The following SESN1 variants were observed in gnomAD, a reference collection of about 807,000 sequenced individuals.
SESN1 encodes the protein sestrin 1.
In SESN1, 30 loss-of-function variants were observed where a neutral mutation model predicts 59.3. That is an observed-to-expected ratio of 0.51 (90% CI 0.38 to 0.69). SESN1 has a LOEUF of 0.69. SESN1 is among the 30% of genes least tolerant of loss of function. SESN1 has a pLI of 0.00. For synonymous variants in SESN1, 197 were observed against 219.9 expected (o/e 0.90, Z 0.92); for missense variants, 566 against 673.0 (o/e 0.84, Z 1.76).
intron 1 of SESN1, among the ~76,000 whole-genome samples, chr6:109,013,004 T>G (rs1354703079): frequency 6.6e-6 from 1 of 151,520 alleles, no homozygotes; most frequent in African/African-American, 2.4e-5. Flanking sequence ...TAGTCCCAGC[T>G]ACTCTGGAGG....
intron 1 of SESN1, among the ~76,000 whole-genome samples, chr6:109,030,379 T>A (rs1238120685): frequency 1.3e-5 from 2 of 152,174 alleles, no homozygotes; most frequent in Admixed American, 6.5e-5. Flanking sequence ...TGTAAAGGTG[T>A]AGATTGCTAG....
chr6:109,006,879 T>G (rs1174575689), intron 1 of SESN1, among the ~76,000 whole-genome samples: 1 of 152,200 alleles, frequency 6.6e-6, no homozygotes, highest in African/African-American at 2.4e-5. Context: ...TTAATTCAAT[T>G]ATTCCTTCAT....
rs560275778 is a variant in SESN1 at position 109,045,780 on chromosome 6, G to A, written c.280-43437C>T. ...TATACCATAACTGCCTGTTTATCTTGCCCACCTGTCTGTGAGCTCCTTGAG... is the reference window on the plus strand; with the variant it reads ...TATACCATAACTGCCTGTTTATCTTACCCACCTGTCTGTGAGCTCCTTGAG... On this transcript the variant is annotated intron_variant, in intron 1 of 9. Coordinates refer to ENST00000436639, the MANE Select transcript of SESN1 (RefSeq NM_014454.3). Among the ~76,000 whole-genome samples, 5 of 152,144 alleles carry A rather than the reference G, an allele frequency of 3.3e-5. 1 individual carries two copies. The South Asian group carries it at 1.0e-3, about 32-fold the overall frequency.
intron 1 of SESN1, among the ~76,000 whole-genome samples, chr6:109,055,171 G>A (rs1263976611): frequency 6.6e-6 from 1 of 152,066 alleles, no homozygotes; most frequent in East Asian, 1.9e-4. Flanking sequence ...CTGGTCCCTG[G>A]GTGAAAAGAG....
intron 1 of SESN1, among the ~76,000 whole-genome samples, chr6:109,061,987 GAAT>G (rs1385688750): frequency 1.3e-5 from 2 of 152,174 alleles, no homozygotes; most frequent in Admixed American, 6.5e-5. Flanking sequence ...GTGCTCTGAG[GAAT>G]AATGAGAGAG....
At chr6:109,075,926 T>C (rs2114470716) in intron 1 of SESN1, among the ~76,000 whole-genome samples, 1 of 152,324 alleles carries the variant, frequency 6.6e-6, no homozygotes, top group African/African-American at 2.4e-5. Flanking sequence ...GCCTCTGCAG[T>C]AACCACCTAA....
chr6:109,069,749 G>T (rs1780899494), intron 1 of SESN1, among the ~76,000 whole-genome samples: 1 of 151,700 alleles, frequency 6.6e-6, no homozygotes, highest in East Asian at 1.9e-4. Flanking sequence ...TGGGAGGGGG[G>T]GTCTCACTAT....
At chr6:109,046,515 AAGTGAGG>A (rs899426337) in intron 1 of SESN1, among the ~76,000 whole-genome samples, 4 of 146,998 alleles carry the variant, frequency 2.7e-5, no homozygotes, top group Non-Finnish European at 4.5e-5. Flanking sequence ...CCCGTCTGGG[AAGTGAGG>A]AGTGTCTCTG....
intron 8 of SESN1, among the ~76,000 whole-genome samples, chr6:108,989,096 G>A (rs866434807): frequency 6.6e-6 from 1 of 152,098 alleles, no homozygotes; most frequent in South Asian, 2.1e-4. Flanking sequence ...TCTGCTTCCT[G>A]GGTTCAAGCG....
intron 1 of SESN1, among the ~76,000 whole-genome samples, chr6:109,032,607 G>T (rs1218317331): frequency 2.7e-5 from 4 of 146,114 alleles, no homozygotes; most frequent in Non-Finnish European, 5.9e-5. Flanking sequence ...GACAGAGCAA[G>T]ACTTCATCTC....
chr6:109,001,368 T>G lies in SESN1; in HGVS notation c.466A>C (p.Ser156Arg). 1.2e-6 allele frequency: 2 copies of G among 1,613,902 alleles called. No homozygotes were observed. The highest frequency in any genetic ancestry group is 1.7e-6 in the Non-Finnish European group (2 of 1,179,840). Residue 156 changes from serine (S) to arginine (R), a missense_variant, in exon 3 of 10, where the codon AGT becomes CGT. Ser to Arg is a moderately radical substitution (Grantham distance 110). Coordinates refer to ENST00000436639, the MANE Select transcript of SESN1 (RefSeq NM_014454.3). ...VMVFHPQYLE[S>R]FLKTQHYLLQ... ...AGATAGTGCTGAGTTTTTAAGAAAC[T>G]TTCTAAATATTGTGGGTGGAAAACC...
chr6:109,005,953 T>G (rs561626103), intron 1 of SESN1, among the ~76,000 whole-genome samples: 55 of 152,348 alleles, frequency 3.6e-4, no homozygotes, highest in Middle Eastern at 6.8e-3. Flanking sequence ...GTTTCTAGAC[T>G]GTGGCTGGCA....
chr6:109,037,614 T>C (rs931021755), intron 1 of SESN1, among the ~76,000 whole-genome samples: 4 of 152,230 alleles, frequency 2.6e-5, no homozygotes, highest in Non-Finnish European at 4.4e-5. Flanking sequence ...AATACTTTAA[T>C]TCTATAGATG....
rs1185612781 is a variant in SESN1 at position 108,985,594 on chromosome 6, T to G, written c.*1950A>C. 1.3e-5 allele frequency among the ~76,000 whole-genome samples: 2 copies of G among 152,204 alleles called. No homozygotes were observed. Among genetic ancestry groups the G allele is most frequent in the Admixed American group, 6.5e-5 (1 of 15,280 alleles). ...AAACATATTTTTTAACTCATTAAAA[T>G]TTTGATTTCAATTTCTAAGTGATTA... is the stretch of plus-strand genomic sequence containing the variant. On this transcript the variant is annotated 3_prime_UTR_variant, in exon 10 of 10. Transcript: ENST00000436639.
intron 1 of SESN1, among the ~76,000 whole-genome samples, chr6:109,084,613 G>A (rs1389085350): frequency 6.6e-6 from 1 of 151,914 alleles, no homozygotes; most frequent in East Asian, 1.9e-4. Context: ...TAAAAGCTTA[G>A]GAATTGTCCT....
chr6:109,014,777 C>T (rs1039098420), intron 1 of SESN1, among the ~76,000 whole-genome samples: 1 of 152,178 alleles, frequency 6.6e-6, no homozygotes, highest in African/African-American at 2.4e-5. Flanking sequence ...CTGTTCACTA[C>T]ATATCTCATC....
intron 1 of SESN1, among the ~76,000 whole-genome samples, chr6:109,055,234 G>C (rs550954888): frequency 6.6e-6 from 1 of 152,194 alleles, no homozygotes; most frequent in East Asian, 1.9e-4. Flanking sequence ...TTTATTTTTT[G>C]CATCTAACTC....
In SESN1 at chr6:109,022,681, T is replaced by C. The variant is rs534873898; in HGVS notation, c.280-20338A>G. ...TGTCCGCCTCGGCCTCCCAAAGTGCTGGGATTACAGACATGAAACACCATG... is the reference window on the plus strand; with the variant it reads ...TGTCCGCCTCGGCCTCCCAAAGTGCCGGGATTACAGACATGAAACACCATG... On this transcript the variant is annotated intron_variant, in intron 1 of 9. Transcript: ENST00000436639. 1.7e-4 allele frequency among the ~76,000 whole-genome samples: 26 copies of C among 152,184 alleles called. No homozygotes were observed. The South Asian group carries it at 2.1e-3, about 12-fold the overall frequency.
intron 6 of SESN1, among the ~76,000 whole-genome samples, chr6:108,993,179 G>C (rs1271755917): frequency 6.6e-6 from 1 of 152,054 alleles, no homozygotes; most frequent in East Asian, 1.9e-4. Context: ...CAATTTATAT[G>C]TATTAGGTTC....
Sources: allele counts gnomAD v4.1 joint callset (sites outside exome capture counted in the v4.1 genomes callset), GRCh38; gene constraint gnomAD v4.1.1; transcripts MANE v1.5; gene names NCBI Gene and HGNC (gene_info 2026-07-23, HGNC 2026-07-21).